The following PCDHA5 variants were observed in gnomAD, a reference collection of about 807,000 sequenced individuals.
PCDHA5 encodes protocadherin alpha 5.
Under a neutral mutation model 61.6 loss-of-function variants are expected in PCDHA5, and 43 were observed. The observed-to-expected ratio is 0.70, with a 90% CI of 0.55 to 0.90. The LOEUF (loss-of-function observed/expected upper bound fraction) is 0.90. Among genes scored for constraint, PCDHA5 ranks in the 40% least tolerant of loss-of-function variants. The probability of loss-of-function intolerance (pLI) is 0.00; values close to 1 mark genes in which losing one functional copy is unlikely to be tolerated. For missense variants in PCDHA5, 1,298 were observed against 1,222.7 expected, an observed-to-expected ratio of 1.06 and a Z score of -0.92; for synonymous variants, 627 against 543.9, an observed-to-expected ratio of 1.15 and a Z score of -2.13.
chr5:140,877,298 A>C, intron 1 of PCDHA5: 1 of 1,613,870 alleles, frequency 6.2e-7, no homozygotes. Flanking sequence ...TGGCTGTCCT[A>C]CGAGTTGCAA....
rs1554244455 is a variant in PCDHA5 at position 140,982,542 on chromosome 5, A to G, written c.2479A>G (p.Thr827Ala). The G allele has an allele frequency of 1.9e-6, 3 of 1,614,210 alleles. No homozygotes were observed. The highest frequency in any genetic ancestry group is 2.2e-5 in the East Asian group (1 of 44,888). Residue 827 changes from threonine (T) to alanine (A), a missense_variant, in exon 3 of 4, where the codon ACA becomes GCA. Transcript: ENST00000529859. ...GPGGPDQQWP[T>A]VSSATPEPEA... ...AGGAGGGCCTGATCAGCAGTGGCCA[A>G]CAGTATCCAGTGCAACACCAGGTAA...
chr5:140,868,974 C>T (rs2050775096), intron 1 of PCDHA5: 4 of 1,471,768 alleles, frequency 2.7e-6, no homozygotes, highest in South Asian at 1.4e-5. Flanking sequence ...GGAACTCCAT[C>T]ATACCGGATG....
At chr5:140,927,478 C>A (rs959432734) in intron 1 of PCDHA5, 1 of 1,614,062 alleles carries the variant, frequency 6.2e-7, no homozygotes, top group Non-Finnish European at 8.5e-7. Context: ...TCGCGAACAG[C>A]GCGCCACCCA....
At chr5:140,842,871 T>G in intron 1 of PCDHA5, 1 of 1,593,666 alleles carries the variant, frequency 6.3e-7, no homozygotes, top group Non-Finnish European at 8.6e-7. Context: ...AGCGGCAAGG[T>G]GTACGCGCTG....
At chr5:140,891,078 T>G (rs1554184657) in intron 1 of PCDHA5, among the ~76,000 whole-genome samples, 1 of 152,198 alleles carries the variant, frequency 6.6e-6, no homozygotes, top group Admixed American at 6.6e-5. Flanking sequence ...CAGTGTCTAC[T>G]GGTTTCCATT....
chr5:140,940,096 T>C (rs2153644801), intron 1 of PCDHA5, among the ~76,000 whole-genome samples: 1 of 152,378 alleles, frequency 6.6e-6, no homozygotes, highest in East Asian at 1.9e-4. Context: ...ATTGAAACTT[T>C]TAGCGTTATG....
At chr5:140,989,101 A>G (rs1293454775) in intron 3 of PCDHA5, 1 of 152,216 alleles carries the variant, frequency 6.6e-6, no homozygotes, top group African/African-American at 2.4e-5. Flanking sequence ...AGGAGAAACA[A>G]CTTTTGAATA....
intron 1 of PCDHA5, among the ~76,000 whole-genome samples, chr5:140,955,373 T>C (rs2338310): frequency 0.011 from 1,717 of 152,252 alleles, 30 homozygotes; most frequent in African/African-American, 0.038. Context: ...TGGGAGGTAA[T>C]TGAATCATGG....
intron 1 of PCDHA5, among the ~76,000 whole-genome samples, chr5:140,921,929 A>C (rs2080500807): frequency 6.6e-6 from 1 of 152,126 alleles, no homozygotes; most frequent in African/African-American, 2.4e-5. Flanking sequence ...CTTATAGTCA[A>C]TATAATTTTA....
chr5:140,863,773 C>T (rs1170536480), intron 1 of PCDHA5: 19 of 234,462 alleles, frequency 8.1e-5, no homozygotes, highest in African/African-American at 3.6e-4. Context: ...CCGAGGCGGG[C>T]GGATCACTCG....
chr5:140,877,508 C>G (rs892674985), intron 1 of PCDHA5: 1 of 1,613,808 alleles, frequency 6.2e-7, no homozygotes, highest in Admixed American at 1.7e-5. Flanking sequence ...CCAAAGACGT[C>G]GTCGCGGGCC....
chr5:140,836,961 G>A, intron 1 of PCDHA5: 1 of 400,098 alleles, frequency 2.5e-6, no homozygotes, highest in Non-Finnish European at 4.3e-6. Context: ...GTTTATGTTG[G>A]CTACTCTCCA....
At chr5:140,890,245 A>G (rs2062563165) in intron 1 of PCDHA5, among the ~76,000 whole-genome samples, 1 of 152,146 alleles carries the variant, frequency 6.6e-6, no homozygotes, top group Admixed American at 6.5e-5. Context: ...TTACCAGTAC[A>G]CTACTGCACC....
At chr5:140,855,836 A>T in intron 1 of PCDHA5, 3 of 600,200 alleles carry the variant, frequency 5.0e-6, no homozygotes, top group Non-Finnish European at 2.9e-6. Flanking sequence ...AATCGTACTT[A>T]CACCTAAAGC....
chr5:140,883,290 T>C, intron 1 of PCDHA5: 1 of 1,614,060 alleles, frequency 6.2e-7, no homozygotes, highest in South Asian at 1.1e-5. Context: ...GTGGAAGTAC[T>C]AGATGTAAAT....
At chr5:140,868,957 A>T (rs2050760003) in intron 1 of PCDHA5, 1 of 1,389,232 alleles carries the variant, frequency 7.2e-7, no homozygotes, top group Non-Finnish European at 9.7e-7. Context: ...AGGCACTCCC[A>T]TACAAAGGAA....
At chr5:140,879,235 A>G (rs904336289) in intron 1 of PCDHA5, among the ~76,000 whole-genome samples, 5 of 152,240 alleles carry the variant, frequency 3.3e-5, no homozygotes, top group Middle Eastern at 3.2e-3. Flanking sequence ...CATATACAAG[A>G]GGCACTGGCA....
At chr5:140,842,068 A>T (rs1777688396) in intron 1 of PCDHA5, 2 of 1,613,910 alleles carry the variant, frequency 1.2e-6, no homozygotes, top group African/African-American at 2.7e-5. Context: ...AATACGAAGT[A>T]AGAATATTCG....
At chr5:140,892,980 G>A (rs568292110) in intron 1 of PCDHA5, among the ~76,000 whole-genome samples, 4 of 152,030 alleles carry the variant, frequency 2.6e-5, no homozygotes, top group Admixed American at 6.6e-5. Context: ...TGTAGCTGCC[G>A]TATAAGTGAG....
Sources: allele counts gnomAD v4.1 joint callset (sites outside exome capture counted in the v4.1 genomes callset), GRCh38; gene constraint gnomAD v4.1.1; transcripts MANE v1.5; gene names NCBI Gene and HGNC (gene_info 2026-07-23, HGNC 2026-07-21).